DST: variants seen among roughly 807,000 people sequenced by gnomAD.
DST encodes bullous pemphigoid antigen.
Under a neutral mutation model 875.2 loss-of-function variants are expected in DST, and 253 were observed. The ratio of observed to expected loss-of-function variants is 0.29; its 90% CI spans 0.26 to 0.32. The LOEUF (loss-of-function observed/expected upper bound fraction) is 0.32. DST is among the 10% of genes least tolerant of loss of function. The pLI, the probability that DST is intolerant of heterozygous loss-of-function variation, is 1.00. For synonymous variants in DST, 3,124 were observed against 3,197.1 expected (o/e 0.98, Z 0.77); for missense variants, 8,287 against 9,111.6 (o/e 0.91, Z 3.68).
Position 56,573,229 on chromosome 6 carries a change from G to A in DST, c.13237-165C>T, listed in dbSNP as rs547828397. Among the ~76,000 whole-genome samples the A allele has an allele frequency of 7.2e-5, 11 of 152,320 alleles. No homozygotes were observed. The South Asian group carries it at 2.1e-3, about 29-fold the overall frequency. On this transcript the variant is annotated intron_variant, in intron 51 of 103. Transcript: ENST00000680361. ...AAGTTTGGTCTGTCCCTTGAGGAAT[G>A]CCATCTTAAATCTCTCTGAGAGAGT...
chr6:56,817,977 A>G (rs1411034398), intron 4 of DST, among the ~76,000 whole-genome samples: 1 of 152,184 alleles, frequency 6.6e-6, no homozygotes, highest in African/African-American at 2.4e-5. Flanking sequence ...GGGGAATCAG[A>G]GTGACAGAAG....
intron 4 of DST, among the ~76,000 whole-genome samples, chr6:56,783,413 T>C (rs1408454685): frequency 1.3e-5 from 2 of 152,146 alleles, no homozygotes; most frequent in African/African-American, 2.4e-5. Context: ...TGCTCCTGTA[T>C]TGGGTGCATA....
chr6:56,608,577 G>A lies in DST; in HGVS notation c.6051C>T (p.Asp2017=). 6.2e-7 allele frequency: 1 copy of A among 1,613,438 alleles called. No homozygotes were observed. The highest frequency in any genetic ancestry group is 8.5e-7 in the Non-Finnish European group (1 of 1,179,708). ...VEEAVREGVI[D]RDTASSILTY... is the part of the protein sequence containing the mutation. Reference sequence around the variant, plus strand: ...TGAGGATACTGCTAGCAGTGTCCCTGTCAATCACCCCTTCTCTGACAGCTT... The same window carrying A: ...TGAGGATACTGCTAGCAGTGTCCCTATCAATCACCCCTTCTCTGACAGCTT... Residue 2017 remains aspartate (D), a synonymous_variant, in exon 40 of 104, where the codon GAC becomes GAT. Coordinates refer to ENST00000680361, the MANE Select transcript of DST (RefSeq NM_001374736.1).
intron 5 of DST, among the ~76,000 whole-genome samples, chr6:56,705,772 C>G (rs962931367): frequency 6.6e-6 from 1 of 152,158 alleles, no homozygotes; most frequent in Non-Finnish European, 1.5e-5. Context: ...CTCAATAGCT[C>G]TACCACAAAG....
intron 3 of DST, among the ~76,000 whole-genome samples, chr6:56,889,789 T>C (rs1319953197): frequency 6.6e-6 from 1 of 152,202 alleles, no homozygotes; most frequent in Non-Finnish European, 1.5e-5. Flanking sequence ...CAGGTTCATG[T>C]GAGCAGGCAG....
intron 4 of DST, among the ~76,000 whole-genome samples, chr6:56,825,148 G>C (rs1164915375): frequency 6.6e-6 from 1 of 150,798 alleles, no homozygotes; most frequent in Non-Finnish European, 1.5e-5. Context: ...ATTTTGTTCT[G>C]TACTAAGAAA....
At chr6:56,693,013 C>A in intron 9 of DST, 2 of 1,289,754 alleles carry the variant, frequency 1.6e-6, no homozygotes, top group Non-Finnish European at 2.0e-6. Context: ...CTCTTTGTCA[C>A]CTCCAGTTTT....
chr6:56,933,652 C>CA (rs1811421508), intron 2 of DST, among the ~76,000 whole-genome samples: 1 of 151,984 alleles, frequency 6.6e-6, no homozygotes, highest in Non-Finnish European at 1.5e-5. Context: ...GCAACAACAA[C>CA]AAAAAAGTAG....
At chr6:56,582,636 G>A (rs2098034718) in intron 49 of DST, among the ~76,000 whole-genome samples, 1 of 150,390 alleles carries the variant, frequency 6.6e-6, no homozygotes, top group Non-Finnish European at 1.5e-5. Flanking sequence ...GGGTACGTGT[G>A]CACAATGTGC....
chr6:56,571,387 C>A (rs1436490257), intron 53 of DST, among the ~76,000 whole-genome samples: 2 of 152,168 alleles, frequency 1.3e-5, no homozygotes, highest in Non-Finnish European at 2.9e-5. Flanking sequence ...GAACATATAG[C>A]TCTGTGAGAA....
chr6:56,526,965 G>A (rs544224788), intron 68 of DST, among the ~76,000 whole-genome samples: 3 of 152,120 alleles, frequency 2.0e-5, no homozygotes, highest in African/African-American at 7.2e-5. Context: ...TCAAAATGAT[G>A]ACAAACTGGC....
chr6:56,898,465 C>T lies in DST; in HGVS notation c.417+1956G>A, dbSNP rs564505059. 7.2e-5 allele frequency among the ~76,000 whole-genome samples: 11 copies of T among 152,346 alleles called. No individual in the cohort carries two copies. The South Asian group carries it at 1.9e-3, about 26-fold the overall frequency. On this transcript the variant is annotated intron_variant, in intron 3 of 103. Transcript: ENST00000680361. ...TCTAAACTTTAATGATAGTCACTTACTTCTCAATCCTGATCCACATGGGGA... is the reference window on the plus strand; with the variant it reads ...TCTAAACTTTAATGATAGTCACTTATTTCTCAATCCTGATCCACATGGGGA...
At chr6:56,594,325 C>G (rs751802201) in intron 47 of DST, 132 bp from the exon 48 acceptor site, 13 of 651,454 alleles carry the variant, frequency 2.0e-5, no homozygotes, top group Middle Eastern at 3.4e-4. Flanking sequence ...TTCCCCTTTT[C>G]AAGCTATACC....
intron 4 of DST, among the ~76,000 whole-genome samples, chr6:56,758,288 G>A (rs1319386017): frequency 6.6e-6 from 1 of 152,178 alleles, no homozygotes; most frequent in Non-Finnish European, 1.5e-5. Context: ...TCTGAGGAGG[G>A]CCCTTGAAGG....
intron 74 of DST, among the ~76,000 whole-genome samples, chr6:56,509,201 T>C (rs1339468670): frequency 1.3e-5 from 2 of 152,168 alleles, no homozygotes; most frequent in African/African-American, 4.8e-5. Context: ...ACTACGCACA[T>C]GCTCTCCCTT....
chr6:56,533,956 A>G (rs1412111444), intron 63 of DST, among the ~76,000 whole-genome samples: 1 of 152,178 alleles, frequency 6.6e-6, no homozygotes, highest in Non-Finnish European at 1.5e-5. Context: ...ATTGATGAAT[A>G]ATAATTGAAT....
intron 3 of DST, chr6:56,861,963 AG>A (rs2127593616): frequency 6.6e-6 from 1 of 152,330 alleles, no homozygotes; most frequent in Non-Finnish European, 1.5e-5. Context: ...CAGAGTGTAC[AG>A]ACTGAGATTC....
intron 90 of DST, among the ~76,000 whole-genome samples, chr6:56,480,432 C>A (rs2095362678): frequency 6.6e-6 from 1 of 152,196 alleles, no homozygotes; most frequent in Non-Finnish European, 1.5e-5. Context: ...TGTCAACATT[C>A]CACTGAATTC....
intron 86 of DST, among the ~76,000 whole-genome samples, chr6:56,488,989 G>A (rs1007347928): frequency 6.6e-6 from 1 of 152,078 alleles, no homozygotes; most frequent in South Asian, 2.1e-4. Context: ...GAGGTTGGGT[G>A]GAATTTTATA....
Sources: gnomAD v4.1 joint callset for allele counts (sites outside exome capture counted in the v4.1 genomes callset) on GRCh38, gnomAD v4.1.1 for gene constraint, MANE v1.5 for transcripts, NCBI Gene and HGNC (gene_info 2026-07-23, HGNC 2026-07-21) for gene names.